Variants in EYA2 observed in about 807,000 individuals in gnomAD.
The protein encoded by EYA2 is protein phosphatase EYA2.
EYA2 carries 31 observed loss-of-function variants against 69.2 expected under a neutral mutation model. The observed-to-expected ratio is 0.45, with a 90% CI of 0.34 to 0.60. The LOEUF (loss-of-function observed/expected upper bound fraction) is 0.60, where lower values mean the gene tolerates loss of function less well. Ranked by LOEUF, EYA2 falls within the 20% of genes least tolerant of loss-of-function variation. The probability of loss-of-function intolerance (pLI) is 0.02; values close to 1 mark genes in which losing one functional copy is unlikely to be tolerated. For missense variants in EYA2, 622 were observed against 701.2 expected (o/e 0.89, Z 1.28); for synonymous variants, 257 against 279.4 (o/e 0.92, Z 0.80).
At chr20:47,146,209 G>A (rs2033696805) in intron 10 of EYA2, among the ~76,000 whole-genome samples, 1 of 152,164 alleles carries the variant, frequency 6.6e-6, no homozygotes, top group South Asian at 2.1e-4. Context: ...GGGTACGTGG[G>A]GTTTGAGATG....
intron 1 of EYA2, among the ~76,000 whole-genome samples, chr20:46,954,182 C>T (rs187956085): frequency 1.4e-3 from 213 of 152,258 alleles, no homozygotes; most frequent in Non-Finnish European, 2.6e-3. Context: ...GAGAGGCCTT[C>T]CCTGATCACC....
rs532232790 is a variant in EYA2, at chr20:47,077,885, A to C, written c.661+3550A>C. The stretch of plus-strand genomic sequence containing the variant: ...TGATTTTCAGAATGTGGTTCTTCCG[A>C]TCTCATTTCAACAAAGGAGATAAAA... On this transcript the variant is annotated intron_variant, in intron 7 of 15. Transcript: ENST00000327619. Among the ~76,000 whole-genome samples the C allele has an allele frequency of 2.0e-5, 3 of 152,336 alleles. 1 individual carries two copies. In the South Asian group the frequency reaches 6.2e-4, roughly 32 times the overall value.
chr20:47,032,685 G>A (rs1204681385), intron 5 of EYA2, among the ~76,000 whole-genome samples: 2 of 152,110 alleles, frequency 1.3e-5, no homozygotes, highest in Admixed American at 1.3e-4. Context: ...CCAGATGCTG[G>A]GGTTGAATCT....
Position 47,181,105 on chromosome 20 carries a change from C to G in EYA2, c.1435+169C>G, listed in dbSNP as rs542456248. Among the ~76,000 whole-genome samples, 4 of 152,308 alleles carry G rather than the reference C, an allele frequency of 2.6e-5. No homozygotes were observed. The East Asian group carries it at 7.7e-4, about 29-fold the overall frequency. ...GCCCCCATAGACCACATGCCTTAACCTCTGCTTCTAAAGAAATTGGTTAGG... is the reference window on the plus strand; with the variant it reads ...GCCCCCATAGACCACATGCCTTAACGTCTGCTTCTAAAGAAATTGGTTAGG... On this transcript the variant is annotated intron_variant, in intron 14 of 15. Coordinates refer to ENST00000327619, the MANE Select transcript of EYA2 (RefSeq NM_005244.5).
intron 5 of EYA2, among the ~76,000 whole-genome samples, chr20:47,049,114 G>C: frequency 6.6e-6 from 1 of 152,180 alleles, no homozygotes; most frequent in East Asian, 1.9e-4. Context: ...TTCAAACTCA[G>C]TCAGTCCCTA....
intron 1 of EYA2, among the ~76,000 whole-genome samples, chr20:46,928,378 A>G (rs1412956): frequency 0.44 from 66,300 of 152,088 alleles, 15,411 homozygotes; most frequent in East Asian, 0.83. Flanking sequence ...AAATGGGAGG[A>G]GAGTAGTAAT....
intron 5 of EYA2, among the ~76,000 whole-genome samples, chr20:47,033,165 G>A (rs1215311119): frequency 6.6e-6 from 1 of 152,190 alleles, no homozygotes; most frequent in Non-Finnish European, 1.5e-5. Context: ...CTTTAGGTCA[G>A]TGGAGTATTT....
At chr20:47,001,787 C>CT (rs61340904) in intron 3 of EYA2, among the ~76,000 whole-genome samples, 38,692 of 146,890 alleles carry the variant, frequency 0.26, 5,093 homozygotes, top group African/African-American at 0.29. Flanking sequence ...TCTCTTCATT[C>CT]TTTTTTTTTT....
intron 2 of EYA2, among the ~76,000 whole-genome samples, chr20:47,001,096 G>A (rs570184238): frequency 6.6e-6 from 1 of 152,258 alleles, no homozygotes; most frequent in African/African-American, 2.4e-5. Flanking sequence ...CTTGGCTCAA[G>A]CACATTCTTT....
intron 1 of EYA2, among the ~76,000 whole-genome samples, chr20:46,904,480 A>G (rs1984260714): frequency 6.6e-6 from 1 of 152,130 alleles, no homozygotes; most frequent in Non-Finnish European, 1.5e-5. Context: ...CCCAAGCTTA[A>G]AGGCCAGGGA....
intron 5 of EYA2, among the ~76,000 whole-genome samples, chr20:47,070,305 A>G (rs1406387966): frequency 1.3e-5 from 2 of 152,266 alleles, no homozygotes; most frequent in African/African-American, 4.8e-5. Flanking sequence ...AAAATGCCCA[A>G]CACCATTAGT....
At chr20:47,104,437 G>T (rs950659506) in intron 9 of EYA2, among the ~76,000 whole-genome samples, 1 of 152,000 alleles carries the variant, frequency 6.6e-6, no homozygotes, top group South Asian at 2.1e-4. Flanking sequence ...TTATTTTTAT[G>T]AAGTGCAATT....
chr20:46,973,706 C>T (rs931970165), intron 1 of EYA2, among the ~76,000 whole-genome samples: 4 of 151,612 alleles, frequency 2.6e-5, no homozygotes, highest in Admixed American at 2.0e-4. Context: ...AAGTTCATTC[C>T]ACTATTCTGT....
At chr20:47,006,803 G>A (rs1600633241) in intron 4 of EYA2, among the ~76,000 whole-genome samples, 2 of 152,148 alleles carry the variant, frequency 1.3e-5, no homozygotes, top group East Asian at 3.9e-4. Context: ...AAGCCCTGCA[G>A]ACATTTCCTT....
At chr20:46,981,215 G>A (rs180885523) in intron 1 of EYA2, among the ~76,000 whole-genome samples, 4 of 152,294 alleles carry the variant, frequency 2.6e-5, no homozygotes, top group Admixed American at 2.6e-4. Flanking sequence ...TCATGTAAAT[G>A]TGATCAGGAA....
intron 9 of EYA2, among the ~76,000 whole-genome samples, chr20:47,139,813 C>T (rs1183968523): frequency 6.6e-6 from 1 of 152,162 alleles, no homozygotes; most frequent in Non-Finnish European, 1.5e-5. Context: ...TCTCTGGCTT[C>T]CCAAAATATA....
intron 1 of EYA2, among the ~76,000 whole-genome samples, chr20:46,916,479 T>G (rs560252515): frequency 5.9e-5 from 9 of 152,046 alleles, no homozygotes; most frequent in Non-Finnish European, 1.2e-4. Context: ...TATCTGAGTA[T>G]GAAGGTATTA....
At chr20:47,095,978 A>T (rs2032234782) in intron 8 of EYA2, 1 of 152,256 alleles carries the variant, frequency 6.6e-6, no homozygotes, top group South Asian at 2.1e-4. Flanking sequence ...ATCACTGAGG[A>T]TAGATATCTC....
At chr20:47,164,132 C>T (rs571149856) in intron 10 of EYA2, among the ~76,000 whole-genome samples, 115 of 152,274 alleles carry the variant, frequency 7.6e-4, no homozygotes, top group Middle Eastern at 3.4e-3. Flanking sequence ...GGGATGGCAG[C>T]GCTGAGGGTC....
Sources: allele counts gnomAD v4.1 joint callset (sites outside exome capture counted in the v4.1 genomes callset), GRCh38; gene constraint gnomAD v4.1.1; transcripts MANE v1.5; gene names NCBI Gene and HGNC (gene_info 2026-07-23, HGNC 2026-07-21).